Variants in FBXL17 observed in about 807,000 individuals in gnomAD.
FBXL17 encodes F-box/LRR-repeat protein 17.
FBXL17 carries 22 observed loss-of-function variants against 66.2 expected under a neutral mutation model. That is an observed-to-expected ratio of 0.33 (90% CI 0.24 to 0.47). The LOEUF is 0.47. FBXL17 is among the 20% of genes least tolerant of loss of function. The pLI is 1.00. For missense variants in FBXL17, 878 were observed against 948.2 expected, an observed-to-expected ratio of 0.93 and a Z score of 0.97; for synonymous variants, 474 against 400.5, an observed-to-expected ratio of 1.18 and a Z score of -2.19.
chr5:108,112,609 GA>G (rs1339104580), intron 6 of FBXL17, among the ~76,000 whole-genome samples: 2 of 152,028 alleles, frequency 1.3e-5, no homozygotes, highest in Non-Finnish European at 2.9e-5. Context: ...CCCATGAGGA[GA>G]AAAAACAATC....
chr5:108,112,274 G>A lies in FBXL17; in HGVS notation c.1745+73843C>T, dbSNP rs558927547. 4.6e-5 allele frequency among the ~76,000 whole-genome samples: 7 copies of A among 152,300 alleles called. No homozygotes were observed. In the South Asian group the frequency reaches 1.0e-3, roughly 23 times the overall value. ...GGCCAGAGAAAGAACCATCATTAAG[G>A]AATAAGTGGGAAATATCTGGAGCTT... is the stretch of plus-strand genomic sequence containing the variant. On this transcript the variant is annotated intron_variant, in intron 6 of 8. Transcript: ENST00000542267.
rs186575508 is a variant in FBXL17 at position 108,199,271 on chromosome 5, A to T, written c.1615-13024T>A. ...ACAGGATAACATGAATTGTCTTTTA[A>T]TTGTCAATCAAAACTATCCAAGATA... On this transcript the variant is annotated intron_variant, in intron 5 of 8. Transcript: ENST00000542267. Among the ~76,000 whole-genome samples, 1,240 of 152,294 alleles carry T rather than the reference A, an allele frequency of 8.1e-3. 11 individuals carry two copies. Among genetic ancestry groups the T allele is most frequent in the African/African-American group, 0.028 (1,173 of 41,572 alleles).
At chr5:108,337,612 G>A (rs75750965) in intron 4 of FBXL17, among the ~76,000 whole-genome samples, 2,393 of 151,572 alleles carry the variant, frequency 0.016, 59 homozygotes, top group African/African-American at 0.055. Context: ...TTCTCAAAGA[G>A]TATTTGCGAA....
chr5:108,086,437 T>C (rs891144846), intron 6 of FBXL17, among the ~76,000 whole-genome samples: 2 of 152,168 alleles, frequency 1.3e-5, no homozygotes, highest in East Asian at 3.9e-4. Flanking sequence ...AAATAGACAG[T>C]TTTCCCTGGG....
At chr5:108,069,776 T>A (rs1438881538) in intron 6 of FBXL17, among the ~76,000 whole-genome samples, 1 of 152,192 alleles carries the variant, frequency 6.6e-6, no homozygotes, top group Non-Finnish European at 1.5e-5. Flanking sequence ...TGACAACTCC[T>A]TACATATATC....
intron 6 of FBXL17, among the ~76,000 whole-genome samples, chr5:108,115,858 T>C (rs1161057522): frequency 6.6e-6 from 1 of 152,174 alleles, no homozygotes; most frequent in African/African-American, 2.4e-5. Context: ...ACAGGTAAGA[T>C]ATTCATCTAC....
At chr5:108,178,981 C>T (rs1293653087) in intron 6 of FBXL17, among the ~76,000 whole-genome samples, 7 of 152,112 alleles carry the variant, frequency 4.6e-5, no homozygotes, top group African/African-American at 1.7e-4. Context: ...ATCTTTAAAC[C>T]TCAGTCTCTA....
chr5:108,347,791 C>T lies in FBXL17; in HGVS notation c.1506+608G>A, dbSNP rs528555506. Among the ~76,000 whole-genome samples the T allele has an allele frequency of 4.6e-5, 7 of 151,910 alleles. No individual in the cohort carries two copies. The South Asian group carries it at 8.3e-4, about 18-fold the overall frequency. On this transcript the variant is annotated intron_variant, in intron 4 of 8. Transcript: ENST00000542267. Reference sequence around the variant, plus strand: ...ACAACATGGTAAATATACTAAAAACCGATGAGTTGTACACTTTAAAAGGGT... The same window carrying T: ...ACAACATGGTAAATATACTAAAAACTGATGAGTTGTACACTTTAAAAGGGT...
intron 6 of FBXL17, among the ~76,000 whole-genome samples, chr5:108,150,582 C>G (rs1561434984): frequency 6.6e-6 from 1 of 152,194 alleles, no homozygotes; most frequent in African/African-American, 2.4e-5. Context: ...TGTCATTCTC[C>G]TTTAATTTTT....
chr5:108,077,578 C>T (rs1748600472), intron 6 of FBXL17, among the ~76,000 whole-genome samples: 1 of 151,506 alleles, frequency 6.6e-6, no homozygotes, highest in South Asian at 2.1e-4. Context: ...CAGGAGGATC[C>T]CTTGAGCCCA....
chr5:108,023,213 T>C (rs1490201509), intron 6 of FBXL17, among the ~76,000 whole-genome samples: 4 of 152,144 alleles, frequency 2.6e-5, no homozygotes, highest in Non-Finnish European at 5.9e-5. Context: ...CAACATAAAA[T>C]TATTCCTGAA....
intron 6 of FBXL17, among the ~76,000 whole-genome samples, chr5:108,149,603 A>C (rs961521079): frequency 6.6e-6 from 1 of 152,192 alleles, no homozygotes; most frequent in South Asian, 2.1e-4. Context: ...CAGTGGCTTC[A>C]GTTGGGCATT....
chr5:108,284,265 T>G (rs1757812323), intron 4 of FBXL17, among the ~76,000 whole-genome samples: 1 of 151,970 alleles, frequency 6.6e-6, no homozygotes, highest in Non-Finnish European at 1.5e-5. Context: ...TGCATTCATA[T>G]GTTTACTGCA....
At chr5:108,345,824 C>T (rs1318634288) in intron 4 of FBXL17, among the ~76,000 whole-genome samples, 1 of 151,928 alleles carries the variant, frequency 6.6e-6, no homozygotes, top group Non-Finnish European at 1.5e-5. Flanking sequence ...ACCAAAATAG[C>T]TTGATATTTT....
At chr5:107,939,059 T>C (rs1456451084) in intron 7 of FBXL17, among the ~76,000 whole-genome samples, 5 of 152,132 alleles carry the variant, frequency 3.3e-5, no homozygotes, top group Admixed American at 3.3e-4. Context: ...CAAACCAACA[T>C]TCCTGACTAT....
chr5:108,170,893 G>A (rs552509713), intron 6 of FBXL17, among the ~76,000 whole-genome samples: 2 of 152,284 alleles, frequency 1.3e-5, no homozygotes, highest in South Asian at 4.1e-4. Context: ...TGGTGATTAT[G>A]TCACAGTAAC....
At chr5:107,929,122 A>G (rs1188216338) in intron 7 of FBXL17, among the ~76,000 whole-genome samples, 1 of 152,184 alleles carries the variant, frequency 6.6e-6, no homozygotes, top group African/African-American at 2.4e-5. Flanking sequence ...ATTGGTGGTG[A>G]AAAGAAACTC....
chr5:108,060,335 T>C (rs1372516993), intron 6 of FBXL17, among the ~76,000 whole-genome samples: 3 of 152,184 alleles, frequency 2.0e-5, no homozygotes, highest in Non-Finnish European at 4.4e-5. Context: ...GGATTACACA[T>C]GGTAAAGAGG....
At chr5:108,243,589 A>G (rs977603015) in intron 4 of FBXL17, among the ~76,000 whole-genome samples, 1 of 152,214 alleles carries the variant, frequency 6.6e-6, no homozygotes, top group Non-Finnish European at 1.5e-5. Context: ...ATTTCATCAA[A>G]AAACAATTAA....
Sources: gnomAD v4.1 joint callset for allele counts (sites outside exome capture counted in the v4.1 genomes callset) on GRCh38, gnomAD v4.1.1 for gene constraint, MANE v1.5 for transcripts, NCBI Gene and HGNC (gene_info 2026-07-23, HGNC 2026-07-21) for gene names.